VTCN1: variants seen among roughly 807,000 people sequenced by gnomAD.
VTCN1 encodes V-set domain-containing T-cell activation inhibitor 1.
In VTCN1, 26 loss-of-function variants were observed where a neutral mutation model predicts 26.5. The observed-to-expected ratio is 0.98, with a 90% CI of 0.72 to 1.36. VTCN1 has a LOEUF of 1.36. Ranked by LOEUF, VTCN1 falls within the 40% of genes most tolerant of loss-of-function variation. The pLI, the probability that VTCN1 is intolerant of heterozygous loss-of-function variation, is 0.00. For missense variants in VTCN1, 298 were observed against 337.7 expected, an observed-to-expected ratio of 0.88 and a Z score of 0.92; for synonymous variants, 116 against 130.7, an observed-to-expected ratio of 0.89 and a Z score of 0.77.
intron 1 of VTCN1, chr1:117,203,534 G>C (rs7415876): frequency 0.16 from 143,616 of 880,644 alleles, 12,274 homozygotes; most frequent in Non-Finnish European, 0.18. Context: ...GAAGTGATGT[G>C]ATAGGAAATC....
intron 1 of VTCN1, among the ~76,000 whole-genome samples, chr1:117,202,419 G>A (rs1382591517): frequency 6.6e-6 from 1 of 152,112 alleles, no homozygotes; most frequent in Non-Finnish European, 1.5e-5. Flanking sequence ...AGAGAAGAAA[G>A]AGCTTCAGGG....
chr1:117,181,526 T>C (rs1647671965), intron 1 of VTCN1, among the ~76,000 whole-genome samples: 1 of 152,192 alleles, frequency 6.6e-6, no homozygotes, highest in Non-Finnish European at 1.5e-5. Context: ...TCTTCCCAGG[T>C]AATGAGAAGC....
rs1651448721 is a variant in VTCN1, at chr1:117,145,232, T to C, written c.*46-7A>G. The stretch of plus-strand genomic sequence containing the variant: ...GAAATAGTTCTGTAGATCCCTGGGA[T>C]TGTGGAAATAACAGCAATAAGATAC... On this transcript the variant is annotated splice_polypyrimidine_tract_variant and splice_region_variant and intron_variant, in intron 5 of 5. Coordinates refer to ENST00000369458, the MANE Select transcript of VTCN1 (RefSeq NM_024626.4). The surrounding 1 kb of genome is among the most constrained non-coding windows in gnomAD (Gnocchi z 4.6). 2 of 152,192 alleles carry C rather than the reference T, an allele frequency of 1.3e-5. No individual in the cohort carries two copies. Among genetic ancestry groups the C allele is most frequent in the African/African-American group, 4.8e-5 (2 of 41,434 alleles). The allele number at this position is 152,192 out of a possible 1,614,324, so 9.4% of individuals were successfully genotyped here.
intron 1 of VTCN1, among the ~76,000 whole-genome samples, chr1:117,189,832 C>T (rs143964634): frequency 1.3e-5 from 2 of 152,182 alleles, no homozygotes; most frequent in East Asian, 3.9e-4. Context: ...ATTTGGCAAC[C>T]ACTGGTGGAT....
chr1:117,172,144 A>C (rs1055301241), intron 1 of VTCN1, among the ~76,000 whole-genome samples: 4 of 152,200 alleles, frequency 2.6e-5, no homozygotes, highest in Admixed American at 6.5e-5. Flanking sequence ...GCAGGACAAA[A>C]GAAAGGCACA....
At chr1:117,176,275 C>G (rs970562242) in intron 1 of VTCN1, among the ~76,000 whole-genome samples, 1 of 152,192 alleles carries the variant, frequency 6.6e-6, no homozygotes, top group African/African-American at 2.4e-5. Flanking sequence ...GAAGCTGTCA[C>G]AGCTGGAAGG....
intron 2 of VTCN1, among the ~76,000 whole-genome samples, chr1:117,164,537 G>A (rs530588613): frequency 2.0e-5 from 3 of 152,286 alleles, no homozygotes; most frequent in Admixed American, 2.0e-4. Flanking sequence ...TTTACTAAAA[G>A]CATTGATGGC....
intron 1 of VTCN1, among the ~76,000 whole-genome samples, chr1:117,193,618 T>A (rs2101584000): frequency 6.6e-6 from 1 of 152,178 alleles, no homozygotes; most frequent in East Asian, 1.9e-4. Flanking sequence ...TTAACAGAAC[T>A]GAAGGGAGAA....
At chr1:117,164,991 A>T (rs1338576401) in intron 2 of VTCN1, among the ~76,000 whole-genome samples, 1 of 152,220 alleles carries the variant, frequency 6.6e-6, no homozygotes, top group African/African-American at 2.4e-5. Flanking sequence ...GCATCAGGAG[A>T]GTTACAAAGA....
chr1:117,193,133 A>T (rs1012625654), intron 1 of VTCN1, among the ~76,000 whole-genome samples: 3 of 152,174 alleles, frequency 2.0e-5, no homozygotes, highest in Admixed American at 6.5e-5. Context: ...ATATGCAAAT[A>T]CTACACCATT....
At chr1:117,206,714 C>G (rs1649092335) in intron 1 of VTCN1, among the ~76,000 whole-genome samples, 1 of 152,008 alleles carries the variant, frequency 6.6e-6, no homozygotes, top group African/African-American at 2.4e-5. Flanking sequence ...TTGATGGCAA[C>G]TAGAAAGATC....
Position 117,156,851 on chromosome 1 carries a change from G to A in VTCN1, c.168C>T (p.Cys56=), listed in dbSNP as rs1652103701. The change falls in exon 3 of 6, where the codon TGC becomes TGT. Residue 56 remains cysteine, a synonymous_variant. Coordinates refer to ENST00000369458, the MANE Select transcript of VTCN1 (RefSeq NM_024626.4). The part of the protein sequence containing the change: ...GNIGEDGILS[C]TFEPDIKLSD... ...AAAGTTTGATGTCAGGTTCAAAAGTGCAGCTCAGGATTCCATCCTCCCCAA... is the reference window on the plus strand; with the variant it reads ...AAAGTTTGATGTCAGGTTCAAAAGTACAGCTCAGGATTCCATCCTCCCCAA... The A allele has an allele frequency of 6.2e-7, 1 of 1,613,874 alleles. No individual in the cohort carries two copies. The highest frequency in any genetic ancestry group is 1.3e-5 in the African/African-American group (1 of 74,832).
chr1:117,185,833 C>T (rs1647914256), intron 1 of VTCN1, among the ~76,000 whole-genome samples: 1 of 152,112 alleles, frequency 6.6e-6, no homozygotes, highest in Non-Finnish European at 1.5e-5. Context: ...GCCCCCCAAC[C>T]CCCACTTCAA....
intron 1 of VTCN1, among the ~76,000 whole-genome samples, chr1:117,209,268 G>A (rs1166050772): frequency 6.6e-6 from 1 of 152,182 alleles, no homozygotes; most frequent in African/African-American, 2.4e-5. Context: ...CAGTCAGACT[G>A]GATGCAAAGC....
chr1:117,176,680 T>A (rs184205444), intron 1 of VTCN1, among the ~76,000 whole-genome samples: 67 of 152,370 alleles, frequency 4.4e-4, no homozygotes, highest in African/African-American at 1.6e-3. Context: ...TTTATTTGAA[T>A]ATACCAAGGA....
At position 117,161,343 on chromosome 1, in the gene VTCN1, A is replaced by G. The variant is rs916573734; in HGVS notation, c.98-4422T>C. On this transcript the variant is annotated intron_variant, in intron 2 of 5. Coordinates refer to ENST00000369458, the MANE Select transcript of VTCN1 (RefSeq NM_024626.4). This position sits in a 1 kb window ranked among gnomAD's most constrained non-coding sequence, Gnocchi z 4.3. The stretch of plus-strand genomic sequence containing the variant: ...ACACTTCTTTAACACCAGTTATGCA[A>G]ATTCTACTTATATTCAAAGTCCGTT... 6.6e-5 allele frequency among the ~76,000 whole-genome samples: 10 copies of G among 152,312 alleles called. No homozygotes were observed. Among genetic ancestry groups the G allele is most frequent in the African/African-American group, 2.4e-4 (10 of 41,574 alleles).
intron 1 of VTCN1, among the ~76,000 whole-genome samples, chr1:117,187,813 G>A (rs1239999184): frequency 6.7e-6 from 1 of 149,232 alleles, no homozygotes; most frequent in African/African-American, 2.5e-5. Flanking sequence ...AGTTTAAAAA[G>A]GGAATCTTTA....
chr1:117,172,642 C>A (rs140188891), intron 1 of VTCN1, among the ~76,000 whole-genome samples: 50 of 146,306 alleles, frequency 3.4e-4, no homozygotes, highest in African/African-American at 1.3e-3. Context: ...TGCATGTGTC[C>A]CCCCCCACAT....
At chr1:117,173,381 C>CAT (rs1171372991) in intron 1 of VTCN1, 20 of 512,420 alleles carry the variant, frequency 3.9e-5, no homozygotes, top group Non-Finnish European at 7.0e-6. Context: ...CACACACACA[C>CAT]ACACACACAA....
Sources: gnomAD v4.1 joint callset for allele counts (sites outside exome capture counted in the v4.1 genomes callset) on GRCh38, gnomAD v4.1.1 for gene constraint, Gnocchi (gnomAD v3.1) non-coding constraint, MANE v1.5 for transcripts, NCBI Gene and HGNC (gene_info 2026-07-23, HGNC 2026-07-21) for gene names.